CPVL: variants seen among roughly 807,000 people sequenced by gnomAD.
CPVL encodes the protein carboxypeptidase vitellogenic like.
CPVL carries 51 observed loss-of-function variants against 63.7 expected under a neutral mutation model. The observed-to-expected ratio is 0.80, with a 90% confidence interval of 0.64 to 1.01. The LOEUF is 1.01. Among genes scored for constraint, CPVL ranks in the 50% least tolerant of loss-of-function variants. The pLI, the probability that CPVL is intolerant of heterozygous loss-of-function variation, is 0.00. For missense variants in CPVL, 530 were observed against 573.1 expected (o/e 0.92, Z 0.77); for synonymous variants, 195 against 206.0 (o/e 0.95, Z 0.46).
chr7:29,125,791 A>G (rs569086151), intron 1 of CPVL, among the ~76,000 whole-genome samples: 1 of 152,322 alleles, frequency 6.6e-6, no homozygotes, highest in South Asian at 2.1e-4. Context: ...CCTTTTATGG[A>G]TTGTTAAAGG....
intron 1 of CPVL, chr7:29,125,029 G>A (rs1175079163): frequency 6.6e-6 from 1 of 152,066 alleles, no homozygotes; most frequent in Non-Finnish European, 1.5e-5. Context: ...TAAAGCCACA[G>A]AATCCCAGAG....
At chr7:29,024,294 C>T (rs193167376) in intron 12 of CPVL, among the ~76,000 whole-genome samples, 37 of 152,160 alleles carry the variant, frequency 2.4e-4, no homozygotes, top group African/African-American at 7.9e-4. Context: ...CAAAAAAGTA[C>T]ATATATATAA....
intron 7 of CPVL, among the ~76,000 whole-genome samples, chr7:29,076,999 A>G (rs1032368310): frequency 3.3e-5 from 5 of 152,230 alleles, no homozygotes; most frequent in African/African-American, 1.2e-4. Flanking sequence ...TAAAAACACA[A>G]TGAAATTGGA....
Position 29,089,749 on chromosome 7 carries a change from C to G in CPVL, c.542+2874G>C, listed in dbSNP as rs79323807. 1.4e-3 allele frequency among the ~76,000 whole-genome samples: 208 copies of G among 152,210 alleles called. 1 individual carries two copies. Among genetic ancestry groups the G allele is most frequent in the African/African-American group, 3.9e-3 (164 of 41,536 alleles). Reference sequence around the variant, plus strand: ...GGGTTTAAATACAACTGCAAAATTGCCCTAAGCTGCTACTCGGACTAGGCA... The same window carrying G: ...GGGTTTAAATACAACTGCAAAATTGGCCTAAGCTGCTACTCGGACTAGGCA... On this transcript the variant is annotated intron_variant, in intron 6 of 12. Transcript: ENST00000265394.
At chr7:29,066,784 A>G (rs1783175780) in intron 9 of CPVL, among the ~76,000 whole-genome samples, 1 of 152,214 alleles carries the variant, frequency 6.6e-6, no homozygotes, top group Non-Finnish European at 1.5e-5. Flanking sequence ...CCCAGTCACC[A>G]GCTGAGCGGG....
At chr7:29,185,447 T>C (rs1029343865) in intron 3 of CPVL, 4 of 152,338 alleles carry the variant, frequency 2.6e-5, no homozygotes, top group Middle Eastern at 3.4e-3. Context: ...AAGAATTTGA[T>C]TCCCTCTCTT....
intron 11 of CPVL, among the ~76,000 whole-genome samples, chr7:29,031,756 C>A (rs958338630): frequency 6.6e-6 from 1 of 151,984 alleles, no homozygotes; most frequent in African/African-American, 2.4e-5. Context: ...TAGGTAAATG[C>A]ACAACAGTAT....
intron 12 of CPVL, among the ~76,000 whole-genome samples, chr7:29,002,472 T>C (rs1784738964): frequency 6.6e-6 from 1 of 152,154 alleles, no homozygotes. Context: ...TCTTCATATA[T>C]TTTTTGTACA....
At chr7:29,025,885 A>G (rs1473205935) in intron 12 of CPVL, among the ~76,000 whole-genome samples, 1 of 152,192 alleles carries the variant, frequency 6.6e-6, no homozygotes, top group Non-Finnish European at 1.5e-5. Context: ...GAGGACTTCA[A>G]CAAACAGTCT....
At position 29,146,510 on chromosome 7, in the gene CPVL, C is replaced by A; in HGVS notation, c.-92G>T. 1 of 1,470,480 alleles carries A rather than the reference C, an allele frequency of 6.8e-7. No individual in the cohort carries two copies. Among genetic ancestry groups the A allele is most frequent in the South Asian group, 1.4e-5 (1 of 69,232 alleles). The allele number at this position is 1,470,480 out of a possible 1,614,324, so 91.1% of individuals were successfully genotyped here. A position where few individuals can be genotyped will look rare whatever the true frequency, so the allele number is the denominator to read the frequency against. ...TCCTTGCAGCGCTTCCCAAATCAGG[C>A]AGAAGTGAGGCAGCCCCACCCAGTC... On this transcript the variant is annotated 5_prime_UTR_variant, in exon 1 of 13. Coordinates refer to ENST00000265394, the MANE Select transcript of CPVL (RefSeq NM_031311.5).
chr7:29,170,227 G>A (rs1432522076), intron 5 of CPVL, among the ~76,000 whole-genome samples: 1 of 152,068 alleles, frequency 6.6e-6, no homozygotes, highest in Admixed American at 6.6e-5. Flanking sequence ...ATAGATTGCT[G>A]GTGATACTGA....
At chr7:29,140,712 C>T (rs932719761) in intron 1 of CPVL, among the ~76,000 whole-genome samples, 3 of 152,120 alleles carry the variant, frequency 2.0e-5, no homozygotes, top group African/African-American at 7.2e-5. Context: ...AATCTTGCTC[C>T]AGGCTACACA....
intron 4 of CPVL, among the ~76,000 whole-genome samples, chr7:29,181,862 G>A (rs190912842): frequency 6.6e-6 from 1 of 151,990 alleles, no homozygotes; most frequent in African/African-American, 2.4e-5. Flanking sequence ...AATTCCTAAG[G>A]GGGGGAAAAG....
chr7:29,079,358 C>A (rs191626065), intron 7 of CPVL, among the ~76,000 whole-genome samples: 104 of 152,282 alleles, frequency 6.8e-4, no homozygotes, highest in African/African-American at 2.3e-3. Context: ...TTCTTCACCA[C>A]CATCTTCAGG....
intron 10 of CPVL, among the ~76,000 whole-genome samples, chr7:29,065,561 T>C (rs894661063): frequency 1.3e-5 from 2 of 152,250 alleles, no homozygotes; most frequent in African/African-American, 4.8e-5. Context: ...AGGGCCATAC[T>C]AAATGCATTA....
At position 29,030,734 on chromosome 7, in the gene CPVL, T is replaced by C; in HGVS notation, c.1163A>G (p.Asp388Gly). The C allele has an allele frequency of 6.2e-7, 1 of 1,611,850 alleles. No homozygotes were observed. The highest frequency in any genetic ancestry group is 1.1e-5 in the South Asian group (1 of 90,596). ...TGTCAGGGCAGCTGCCACGATGATGTCCAGTTGGCCATTGTAGATCAGAAC... is the reference window on the plus strand; with the variant it reads ...TGTCAGGGCAGCTGCCACGATGATGCCCAGTTGGCCATTGTAGATCAGAAC... ...YKVLIYNGQL[D>G]IIVAAALTER... The change falls in exon 12 of 13, where the codon GAC (aspartate) becomes GGC (glycine). Residue 388 changes from aspartate (D) to glycine (G), a missense_variant. Transcript: ENST00000265394.
intron 1 of CPVL, among the ~76,000 whole-genome samples, chr7:29,123,931 T>C (rs918374767): frequency 6.6e-6 from 1 of 151,958 alleles, no homozygotes; most frequent in African/African-American, 2.4e-5. Context: ...ATCTAATACA[T>C]AAAAGTAAGA....
intron 11 of CPVL, among the ~76,000 whole-genome samples, chr7:29,049,300 C>T (rs1789923453): frequency 6.6e-6 from 1 of 151,638 alleles, no homozygotes; most frequent in African/African-American, 2.4e-5. Context: ...AGAGAAAATC[C>T]AAATAACCTC....
At chr7:29,122,328 T>A (rs2128643060) in intron 1 of CPVL, 1 of 152,122 alleles carries the variant, frequency 6.6e-6, no homozygotes, top group Non-Finnish European at 1.5e-5. Flanking sequence ...GGATGGAAAA[T>A]TACTCAAAGG....
Sources: gnomAD v4.1 joint callset for allele counts (sites outside exome capture counted in the v4.1 genomes callset) on GRCh38, gnomAD v4.1.1 for gene constraint, MANE v1.5 for transcripts, NCBI Gene and HGNC (gene_info 2026-07-23, HGNC 2026-07-21) for gene names.